TRHDE: variants seen among roughly 807,000 people sequenced by gnomAD.
TRHDE encodes the protein thyrotropin releasing hormone degrading enzyme, also known as thyrotropin-releasing hormone-degrading ectoenzyme.
In TRHDE, 72 loss-of-function variants were observed where a neutral mutation model predicts 125.7. The ratio of observed to expected loss-of-function variants is 0.57; its 90% CI spans 0.47 to 0.70. The LOEUF (loss-of-function observed/expected upper bound fraction) is 0.70. TRHDE is among the 30% of genes least tolerant of loss of function. The pLI, the probability that TRHDE is intolerant of heterozygous loss-of-function variation, is 0.00. For synonymous variants in TRHDE, 509 were observed against 509.1 expected (o/e 1.00, Z 0.00); for missense variants, 1,110 against 1,327.1 (o/e 0.84, Z 2.54).
chr12:72,527,739 A>G (rs1868363038), intron 6 of TRHDE, among the ~76,000 whole-genome samples: 1 of 152,242 alleles, frequency 6.6e-6, no homozygotes, highest in East Asian at 1.9e-4. Flanking sequence ...GACATATGCT[A>G]TATGTATTTT....
intron 3 of TRHDE, among the ~76,000 whole-genome samples, chr12:72,432,470 C>A (rs1031261317): frequency 2.0e-5 from 3 of 152,112 alleles, no homozygotes; most frequent in African/African-American, 7.2e-5. Context: ...CCCCACAGTC[C>A]CTTGTACCTA....
intron 7 of TRHDE, among the ~76,000 whole-genome samples, chr12:72,558,829 C>A (rs1181297410): frequency 3.3e-5 from 5 of 152,004 alleles, no homozygotes; most frequent in Admixed American, 3.3e-4. Context: ...CCAAAAGGAG[C>A]CAATATAGGG....
At chr12:72,327,115 C>G (rs1237299655) in intron 2 of TRHDE, among the ~76,000 whole-genome samples, 1 of 151,888 alleles carries the variant, frequency 6.6e-6, no homozygotes, top group Non-Finnish European at 1.5e-5. Context: ...TTTTATCTCA[C>G]TCATATCTCT....
chr12:72,252,846 A>AT (rs756436150), intron 2 of TRHDE, among the ~76,000 whole-genome samples: 30 of 152,108 alleles, frequency 2.0e-4, no homozygotes, highest in Middle Eastern at 3.4e-3. Context: ...GATAGTATAC[A>AT]TTTTTTTGCC....
intron 1 of TRHDE, among the ~76,000 whole-genome samples, chr12:72,096,179 T>C: frequency 7.9e-6 from 1 of 127,288 alleles, no homozygotes; most frequent in African/African-American, 3.1e-5. Context: ...ATCCTATTGG[T>C]TGTATTTCTC....
Position 72,227,531 on chromosome 12 carries a change from G to A in TRHDE, n.279+121779G>A, listed in dbSNP as rs1171883631. ...GCTACAATCCAAGATGAGATATGGG[G>A]GGACACAGCCAAACAATATCGTTCT... On this transcript the variant is annotated intron_variant and non_coding_transcript_variant, in intron 2 of 4. Coordinates refer to the TRHDE transcript ENST00000548156. 4.6e-5 allele frequency among the ~76,000 whole-genome samples: 7 copies of A among 152,218 alleles called. No homozygotes were observed. In the East Asian group the frequency reaches 9.7e-4, roughly 21 times the overall value.
chr12:72,340,968 T>A (rs2135729877), intron 2 of TRHDE, among the ~76,000 whole-genome samples: 1 of 152,244 alleles, frequency 6.6e-6, no homozygotes, highest in South Asian at 2.1e-4. Context: ...GCAGTGACTT[T>A]AACCCAGCTA....
intron 3 of TRHDE, among the ~76,000 whole-genome samples, chr12:72,404,521 A>G (rs189873985): frequency 6.6e-6 from 1 of 152,314 alleles, no homozygotes; most frequent in South Asian, 2.1e-4. Context: ...TAATTGACTC[A>G]CAGTTTCACA....
Position 72,285,435 on chromosome 12 carries a change from T to C in TRHDE, c.915-1246T>C, listed in dbSNP as rs561884521. Among the ~76,000 whole-genome samples the C allele has an allele frequency of 8.2e-4, 125 of 152,296 alleles. 2 individuals are homozygous for C. The highest frequency in any genetic ancestry group is 8.2e-3 in the Admixed American group (125 of 15,294). ...TATTGACTTGCCTTATATTGTTTTG[T>C]AACTAGCATTATTTAAAAAGTTTAA... On this transcript the variant is annotated intron_variant, in intron 1 of 18. Coordinates refer to ENST00000261180, the MANE Select transcript of TRHDE (RefSeq NM_013381.3).
chr12:72,491,937 G>C (rs1055388094), intron 5 of TRHDE, among the ~76,000 whole-genome samples: 1 of 151,946 alleles, frequency 6.6e-6, no homozygotes, highest in African/African-American at 2.4e-5. Flanking sequence ...GGAGTCTTGT[G>C]ATCATGTACC....
At chr12:72,561,245 A>G (rs765644439) in intron 7 of TRHDE, among the ~76,000 whole-genome samples, 4 of 140,026 alleles carry the variant, frequency 2.9e-5, no homozygotes, top group Non-Finnish European at 4.5e-5. Flanking sequence ...TTATCCCCAG[A>G]GTAGCCAACT....
chr12:72,590,010 G>A (rs889067010), intron 12 of TRHDE, among the ~76,000 whole-genome samples: 1 of 151,630 alleles, frequency 6.6e-6, no homozygotes, highest in Admixed American at 6.6e-5. Context: ...TTCAACATAT[G>A]CATTTAAAGC....
intron 2 of TRHDE, among the ~76,000 whole-genome samples, chr12:72,354,781 G>T (rs947469597): frequency 1.5e-4 from 22 of 150,706 alleles, no homozygotes; most frequent in African/African-American, 5.1e-4. Flanking sequence ...ATCTCTGTGT[G>T]TGTGTATGTG....
At chr12:72,387,884 G>A (rs964409662) in intron 3 of TRHDE, among the ~76,000 whole-genome samples, 2 of 152,098 alleles carry the variant, frequency 1.3e-5, no homozygotes, top group Non-Finnish European at 2.9e-5. Flanking sequence ...CCAGCCATGT[G>A]GAACTGTGAG....
chr12:72,624,924 T>C (rs955543512), intron 15 of TRHDE, among the ~76,000 whole-genome samples: 2 of 146,280 alleles, frequency 1.4e-5, no homozygotes, highest in South Asian at 2.1e-4. Context: ...AACTTGAAAA[T>C]CTCAAAAAAT....
chr12:72,415,300 C>T (rs1403840429), intron 3 of TRHDE, among the ~76,000 whole-genome samples: 2 of 152,050 alleles, frequency 1.3e-5, no homozygotes, highest in African/African-American at 4.8e-5. Context: ...TATTTTGATA[C>T]AGGCATACAA....
chr12:72,378,245 G>A (rs1243216661), intron 3 of TRHDE, 124 bp downstream of exon 3: 2 of 1,004,316 alleles, frequency 2.0e-6, no homozygotes, highest in Middle Eastern at 3.2e-4. Context: ...GAGAAGATAA[G>A]CACAAAAAAA....
chr12:72,577,091 A>G (rs1871031238), intron 12 of TRHDE, among the ~76,000 whole-genome samples: 1 of 152,164 alleles, frequency 6.6e-6, no homozygotes, highest in South Asian at 2.1e-4. Context: ...AAGAAAGATT[A>G]TTTTGGCACA....
chr12:72,473,447 A>G (rs1380102039), intron 5 of TRHDE, among the ~76,000 whole-genome samples: 1 of 152,192 alleles, frequency 6.6e-6, no homozygotes, highest in Admixed American at 6.6e-5. Context: ...ATTTTATAGT[A>G]AAGGCAAATT....
Sources: gnomAD v4.1 joint callset for allele counts (sites outside exome capture counted in the v4.1 genomes callset) on GRCh38, gnomAD v4.1.1 for gene constraint, MANE v1.5 for transcripts, NCBI Gene and HGNC (gene_info 2026-07-23, HGNC 2026-07-21) for gene names.